TENM2: variants seen among roughly 807,000 people sequenced by gnomAD.
TENM2 encodes teneurin-2.
Under a neutral mutation model 245.2 loss-of-function variants are expected in TENM2, and 52 were observed. The ratio of observed to expected loss-of-function variants is 0.21; its 90% confidence interval spans 0.17 to 0.27. The LOEUF (loss-of-function observed/expected upper bound fraction) is 0.27, where lower values mean the gene tolerates loss of function less well. Ranked by LOEUF, TENM2 falls within the 10% of genes least tolerant of loss-of-function variation. TENM2 has a pLI of 1.00. For missense variants in TENM2, 3,046 were observed against 3,666.8 expected, an observed-to-expected ratio of 0.83 and a Z score of 4.37; for synonymous variants, 1,363 against 1,438.9, an observed-to-expected ratio of 0.95 and a Z score of 1.19.
chr5:168,121,092 A>G (rs1401051684), intron 10 of TENM2, among the ~76,000 whole-genome samples: 3 of 152,212 alleles, frequency 2.0e-5, no homozygotes, highest in Non-Finnish European at 4.4e-5. Flanking sequence ...TCAGGGGCTT[A>G]TAGTACATAT....
chr5:167,617,170 G>A (rs1256800543), intron 2 of TENM2, among the ~76,000 whole-genome samples: 1 of 152,252 alleles, frequency 6.6e-6, no homozygotes, highest in African/African-American at 2.4e-5. Flanking sequence ...ATCTTGAGAT[G>A]TAACTTTTTA....
chr5:168,175,868 G>GA (rs1759311648), intron 13 of TENM2, among the ~76,000 whole-genome samples: 1 of 152,188 alleles, frequency 6.6e-6, no homozygotes, highest in African/African-American at 2.4e-5. Flanking sequence ...GAACCAGGGA[G>GA]AAAACCCCAG....
rs538955205 is a variant in TENM2, at chr5:168,226,331, C to T, written c.5284+68C>T. The T allele has an allele frequency of 1.5e-4, 222 of 1,477,492 alleles. No individual in the cohort carries two copies. In the African/African-American group the frequency reaches 2.9e-3, roughly 19 times the overall value. The allele number at this position is 1,477,492 out of a possible 1,614,324, so 91.5% of individuals were successfully genotyped here. On this transcript the variant is annotated intron_variant, in intron 24 of 28. Coordinates refer to ENST00000518659, the Ensembl canonical transcript of TENM2. Reference sequence around the variant, plus strand: ...AGACCCAGAACCCAGCCAAGCCCAACATGTGAGTTATGCAGCCTGGGAGGA... The same window carrying T: ...AGACCCAGAACCCAGCCAAGCCCAATATGTGAGTTATGCAGCCTGGGAGGA...
chr5:167,904,902 G>A (rs1179519713), intron 3 of TENM2, among the ~76,000 whole-genome samples: 1 of 152,122 alleles, frequency 6.6e-6, no homozygotes, highest in Non-Finnish European at 1.5e-5. Context: ...TAGGGTCTGT[G>A]GTTGAGTCAA....
At chr5:167,416,160 C>A (rs1437759375) in intron 2 of TENM2, among the ~76,000 whole-genome samples, 1 of 152,154 alleles carries the variant, frequency 6.6e-6, no homozygotes, top group African/African-American at 2.4e-5. Flanking sequence ...AGTCTCACTT[C>A]TTAGCCATTG....
chr5:168,045,254 A>C (rs748106146), intron 5 of TENM2, among the ~76,000 whole-genome samples: 31 of 152,272 alleles, frequency 2.0e-4, no homozygotes, highest in Non-Finnish European at 2.9e-4. Context: ...TCTTATTTTC[A>C]GGATACTTTT....
chr5:167,057,668 A>G, the TENM2 span, among the ~76,000 whole-genome samples: 1 of 152,198 alleles, frequency 6.6e-6, no homozygotes, highest in East Asian at 1.9e-4. Context: ...TTCTCTTAGC[A>G]CAGGTAGGTT....
At chr5:167,406,465 C>T (rs1453666946) in intron 2 of TENM2, among the ~76,000 whole-genome samples, 2 of 152,108 alleles carry the variant, frequency 1.3e-5, no homozygotes, top group Non-Finnish European at 2.9e-5. Flanking sequence ...CTGGTCAAAT[C>T]CTTGAAATAT....
At chr5:167,393,130 A>T (rs965400477) in intron 2 of TENM2, among the ~76,000 whole-genome samples, 1 of 151,250 alleles carries the variant, frequency 6.6e-6, no homozygotes, top group Non-Finnish European at 1.5e-5. Flanking sequence ...TCGGGGGAAA[A>T]AAAAGGAAAA....
intron 12 of TENM2, among the ~76,000 whole-genome samples, chr5:168,152,176 G>C (rs1456342932): frequency 6.6e-6 from 1 of 152,218 alleles, no homozygotes; most frequent in Non-Finnish European, 1.5e-5. Flanking sequence ...GCTAATGCAT[G>C]TAGGGGATCT....
At chr5:167,618,776 C>T (rs776002972) in intron 2 of TENM2, among the ~76,000 whole-genome samples, 1 of 152,068 alleles carries the variant, frequency 6.6e-6, no homozygotes, top group Non-Finnish European at 1.5e-5. Context: ...CATCTCTATC[C>T]CCCACCATCT....
chr5:167,010,059 C>T, the TENM2 span, among the ~76,000 whole-genome samples: 4 of 152,160 alleles, frequency 2.6e-5, no homozygotes, highest in South Asian at 2.1e-4. Context: ...TAACGTGACA[C>T]GAGTAGGTGT....
rs1486451724 is a variant in TENM2 at position 167,452,711 on chromosome 5, A to G, written c.502+77238A>G. ...ATAACGAGCTCAGATTCTTATTAAC[A>G]CACACCGGGAATTGAACAATGAGAC... On this transcript the variant is annotated intron_variant, in intron 2 of 28. Transcript: ENST00000518659. Among the ~76,000 whole-genome samples, 5 of 151,352 alleles carry G rather than the reference A, an allele frequency of 3.3e-5. No homozygotes were observed. In the East Asian group the frequency reaches 9.8e-4, roughly 30 times the overall value.
chr5:168,221,010 G>A (rs1763620339), intron 23 of TENM2, among the ~76,000 whole-genome samples: 1 of 151,968 alleles, frequency 6.6e-6, no homozygotes, highest in Non-Finnish European at 1.5e-5. Flanking sequence ...TACTTAGGAG[G>A]CAAAGGCATG....
chr5:168,089,789 G>C (rs1489451640), intron 7 of TENM2, among the ~76,000 whole-genome samples: 2 of 152,120 alleles, frequency 1.3e-5, no homozygotes, highest in African/African-American at 4.8e-5. Flanking sequence ...GTTTCTTCAA[G>C]AATTGAATAA....
intron 2 of TENM2, among the ~76,000 whole-genome samples, chr5:167,742,537 G>A (rs897616450): frequency 3.9e-5 from 6 of 152,006 alleles, no homozygotes; most frequent in South Asian, 2.1e-4. Context: ...ACCAATCAAC[G>A]TTCTCAAACA....
intron 1 of TENM2, among the ~76,000 whole-genome samples, chr5:167,345,892 CAAAAAAA>C (rs57279945): frequency 1.5e-5 from 1 of 67,962 alleles, no homozygotes; most frequent in African/African-American, 5.6e-5. Context: ...AACATACAGC[CAAAAAAA>C]AAAAAAAAAA....
chr5:168,095,536 T>C (rs1323503595), intron 8 of TENM2, among the ~76,000 whole-genome samples: 1 of 152,232 alleles, frequency 6.6e-6, no homozygotes, highest in East Asian at 1.9e-4. Flanking sequence ...CAGTATCTTA[T>C]TCTGTTCAAA....
At chr5:168,144,178 C>CT (rs138211831) in intron 12 of TENM2, among the ~76,000 whole-genome samples, 93 of 146,280 alleles carry the variant, frequency 6.4e-4, no homozygotes, top group Middle Eastern at 3.6e-3. Context: ...TCTTTTAAGT[C>CT]TTTTTTTTTT....
Sources: gnomAD v4.1 joint callset for allele counts (sites outside exome capture counted in the v4.1 genomes callset) on GRCh38, gnomAD v4.1.1 for gene constraint, MANE v1.5 for transcripts, NCBI Gene and HGNC (gene_info 2026-07-23, HGNC 2026-07-21) for gene names.